The following GABRB2 variants were observed in gnomAD, a reference collection of about 807,000 sequenced individuals.
GABRB2 encodes gamma-aminobutyric acid type A receptor subunit beta2, also known as gamma-aminobutyric acid receptor subunit beta-2.
GABRB2 carries 16 observed loss-of-function variants against 54.7 expected under a neutral mutation model. The ratio of observed to expected loss-of-function variants is 0.29; its 90% CI spans 0.20 to 0.44. The LOEUF (loss-of-function observed/expected upper bound fraction) is 0.44, where lower values mean the gene tolerates loss of function less well. Ranked by LOEUF, GABRB2 falls within the 20% of genes least tolerant of loss-of-function variation. The pLI is 1.00. For synonymous variants in GABRB2, 244 were observed against 233.8 expected (o/e 1.04, Z -0.40); for missense variants, 355 against 644.0 (o/e 0.55, Z 4.86).
intron 9 of GABRB2, among the ~76,000 whole-genome samples, chr5:161,320,749 A>G (rs57002766): frequency 0.028 from 4,192 of 152,004 alleles, 223 homozygotes; most frequent in African/African-American, 0.095. Flanking sequence ...GCTAGATTCA[A>G]TCTGAAAATC....
chr5:161,356,849 C>T (rs1328406624), intron 5 of GABRB2, among the ~76,000 whole-genome samples: 3 of 152,120 alleles, frequency 2.0e-5, no homozygotes, highest in Non-Finnish European at 4.4e-5. Flanking sequence ...TGGATTTTCC[C>T]AAATCTTGGG....
At chr5:161,350,135 C>G (rs1008195856) in intron 5 of GABRB2, among the ~76,000 whole-genome samples, 3 of 152,042 alleles carry the variant, frequency 2.0e-5, no homozygotes, top group Non-Finnish European at 4.4e-5. Context: ...AAAGCTTTTA[C>G]TCTAGATCAG....
intron 5 of GABRB2, among the ~76,000 whole-genome samples, chr5:161,382,345 C>A: frequency 6.6e-6 from 1 of 152,184 alleles, no homozygotes; most frequent in East Asian, 1.9e-4. Flanking sequence ...ACTCATCAGA[C>A]TGAGGGGGTA....
In GABRB2 at chr5:161,391,137, T is replaced by A. The variant is rs528657840; in HGVS notation, c.541+19838A>T. 3.9e-5 allele frequency among the ~76,000 whole-genome samples: 6 copies of A among 152,258 alleles called. No individual in the cohort carries two copies. The South Asian group carries it at 1.0e-3, about 26-fold the overall frequency. The stretch of plus-strand genomic sequence containing the variant: ...GGTTATATTTTTAAACCTCCATATG[T>A]CACCCAAACTTAGGCAGAAAGAAAC... On this transcript the variant is annotated intron_variant, in intron 5 of 9. Coordinates refer to ENST00000393959, the MANE Select transcript of GABRB2 (RefSeq NM_001371727.1).
intron 3 of GABRB2, among the ~76,000 whole-genome samples, chr5:161,483,369 T>C (rs187120267): frequency 1.3e-5 from 2 of 152,082 alleles, no homozygotes; most frequent in African/African-American, 4.8e-5. Flanking sequence ...CAACACGTGA[T>C]TGCCTCTCAA....
intron 3 of GABRB2, among the ~76,000 whole-genome samples, chr5:161,502,363 G>C (rs1284142907): frequency 6.6e-6 from 1 of 151,888 alleles, no homozygotes; most frequent in Non-Finnish European, 1.5e-5. Context: ...TATTAGAATA[G>C]ATACAAAACA....
At chr5:161,369,987 C>T (rs1259679168) in intron 5 of GABRB2, among the ~76,000 whole-genome samples, 2 of 152,062 alleles carry the variant, frequency 1.3e-5, no homozygotes, top group African/African-American at 4.8e-5. Flanking sequence ...TGCTGAAGAC[C>T]AACTCATGAC....
chr5:161,375,402 G>T (rs1755264687), intron 5 of GABRB2, among the ~76,000 whole-genome samples: 1 of 152,110 alleles, frequency 6.6e-6, no homozygotes, highest in Admixed American at 6.5e-5. Context: ...AGTAATCAGG[G>T]GAGTGGAAGA....
intron 5 of GABRB2, among the ~76,000 whole-genome samples, chr5:161,359,982 G>A (rs1001180864): frequency 6.6e-6 from 1 of 152,110 alleles, no homozygotes; most frequent in Admixed American, 6.5e-5. Context: ...TCAGGAAGCT[G>A]AGGCAGGAGA....
intron 3 of GABRB2, among the ~76,000 whole-genome samples, chr5:161,522,132 T>C (rs1406243857): frequency 1.3e-5 from 2 of 151,860 alleles, no homozygotes; most frequent in South Asian, 2.1e-4. Context: ...ATATGAATCT[T>C]GGATCTTTGT....
rs745319567 is a variant in GABRB2, at chr5:161,326,442, G to A, written c.1117C>T (p.Arg373Ter). The A allele has an allele frequency of 1.9e-6, 3 of 1,613,454 alleles. No homozygotes were observed. The highest frequency in any genetic ancestry group is 1.3e-5 in the African/African-American group (1 of 74,868). Reference protein sequence around the residue: ...KDIKQNGTQYRSLWDPTGNLS... With the variant: ...KDIKQNGTQY ...TTTCCAGTAGGGTCCCACAAGGATC[G>A]ATATTGGGTCCCATTTTGTTTAATA... The change falls in exon 9 of 10, where the codon CGA (arginine) becomes TGA (stop). Residue 373 changes from arginine to a stop codon, truncating the protein, a stop_gained. Coordinates refer to ENST00000393959, the MANE Select transcript of GABRB2 (RefSeq NM_001371727.1). LOFTEE classifies it high-confidence loss of function.
chr5:161,421,096 AC>A (rs1756833585), intron 4 of GABRB2, among the ~76,000 whole-genome samples: 1 of 152,086 alleles, frequency 6.6e-6, no homozygotes, highest in South Asian at 2.1e-4. Flanking sequence ...GATATTTGTC[AC>A]CATCTGAAAC....
intron 3 of GABRB2, among the ~76,000 whole-genome samples, chr5:161,501,378 C>T (rs1347284449): frequency 6.6e-6 from 1 of 151,994 alleles, no homozygotes; most frequent in East Asian, 1.9e-4. Context: ...TACCTTTCAA[C>T]AGAGAGTTGT....
chr5:161,305,767 C>T (rs1757671888), intron 9 of GABRB2, among the ~76,000 whole-genome samples: 1 of 152,310 alleles, frequency 6.6e-6, no homozygotes, highest in Non-Finnish European at 1.5e-5. Flanking sequence ...TTTCTTTCCA[C>T]AAGACTGGAG....
intron 3 of GABRB2, among the ~76,000 whole-genome samples, chr5:161,490,049 A>C (rs1759054112): frequency 6.6e-6 from 1 of 151,146 alleles, no homozygotes; most frequent in African/African-American, 2.4e-5. Flanking sequence ...GACTTCAGAG[A>C]AAAAAAAATC....
chr5:161,323,234 A>G (rs184939701), intron 9 of GABRB2, among the ~76,000 whole-genome samples: 18 of 152,092 alleles, frequency 1.2e-4, no homozygotes, highest in Middle Eastern at 3.4e-3. Flanking sequence ...TGTTGGCCAG[A>G]CTGGTCTAGA....
intron 6 of GABRB2, among the ~76,000 whole-genome samples, chr5:161,335,661 G>C (rs749235683): frequency 6.6e-6 from 1 of 152,136 alleles, no homozygotes; most frequent in Non-Finnish European, 1.5e-5. Flanking sequence ...AGAAAGCCTT[G>C]TTTAGTTTTT....
intron 4 of GABRB2, among the ~76,000 whole-genome samples, chr5:161,449,404 G>A (rs1033450799): frequency 2.0e-5 from 3 of 152,146 alleles, no homozygotes; most frequent in Non-Finnish European, 2.9e-5. Flanking sequence ...TGCTTTGAAT[G>A]TCTTTATCTA....
chr5:161,501,372 T>A (rs1272978039), intron 3 of GABRB2, among the ~76,000 whole-genome samples: 1 of 152,212 alleles, frequency 6.6e-6, no homozygotes, highest in Non-Finnish European at 1.5e-5. Context: ...ATTAATTACC[T>A]TTCAACAGAG....
Sources: gnomAD v4.1 joint callset for allele counts (sites outside exome capture counted in the v4.1 genomes callset) on GRCh38, gnomAD v4.1.1 for gene constraint, MANE v1.5 for transcripts, NCBI Gene and HGNC (gene_info 2026-07-23, HGNC 2026-07-21) for gene names.